The following NRXN1 variants were observed in gnomAD, a reference collection of about 807,000 sequenced individuals.
The protein encoded by NRXN1 is neurexin 1.
A neutral mutation model predicts 150.9 loss-of-function variants in NRXN1; 39 were observed. The observed-to-expected ratio is 0.26, with a 90% CI of 0.20 to 0.34. NRXN1 has a LOEUF of 0.34. Among genes scored for constraint, NRXN1 ranks in the 10% least tolerant of loss-of-function variants. The probability of loss-of-function intolerance (pLI) is 1.00; values close to 1 mark genes in which losing one functional copy is unlikely to be tolerated. For synonymous variants in NRXN1, 924 were observed against 757.0 expected (o/e 1.22, Z -3.62); for missense variants, 1,815 against 1,949.9 (o/e 0.93, Z 1.30).
intron 19 of NRXN1, among the ~76,000 whole-genome samples, chr2:50,074,124 A>G (rs550739856): frequency 6.6e-4 from 100 of 152,218 alleles, no homozygotes; most frequent in Non-Finnish European, 1.3e-3. Flanking sequence ...TTGAGGAAGA[A>G]ATTTTCTTTG....
At chr2:50,792,482 T>C (rs911274515) in intron 5 of NRXN1, among the ~76,000 whole-genome samples, 5 of 152,068 alleles carry the variant, frequency 3.3e-5, no homozygotes, top group African/African-American at 1.2e-4. Flanking sequence ...ATAATACTCT[T>C]ATGGTCTCAT....
intron 5 of NRXN1, among the ~76,000 whole-genome samples, chr2:50,750,538 A>T (rs1437881267): frequency 6.6e-6 from 1 of 152,026 alleles, no homozygotes; most frequent in South Asian, 2.1e-4. Context: ...ACATGTATAC[A>T]TATGTAACAA....
At chr2:50,874,406 T>G (rs552465023) in intron 5 of NRXN1, among the ~76,000 whole-genome samples, 1 of 151,910 alleles carries the variant, frequency 6.6e-6, no homozygotes, top group Non-Finnish European at 1.5e-5. Context: ...TCCATCTCTT[T>G]TTTTTATAGA....
chr2:50,520,664 T>C (rs940670518), intron 12 of NRXN1, among the ~76,000 whole-genome samples: 13 of 151,988 alleles, frequency 8.6e-5, no homozygotes, highest in African/African-American at 3.1e-4. Flanking sequence ...ATTGATTGCA[T>C]AAAGAATTTC....
chr2:50,613,576 G>C (rs1678541587), intron 8 of NRXN1, among the ~76,000 whole-genome samples: 1 of 152,176 alleles, frequency 6.6e-6, no homozygotes, highest in Non-Finnish European at 1.5e-5. Flanking sequence ...GAGTACTTGA[G>C]TGAAGGGACT....
chr2:50,329,029 G>A (rs544133546), intron 17 of NRXN1, among the ~76,000 whole-genome samples: 1 of 151,976 alleles, frequency 6.6e-6, no homozygotes, highest in African/African-American at 2.4e-5. Flanking sequence ...AAGAAGGCTA[G>A]AAAAGAAGTT....
chr2:50,609,385 A>C (rs558632351), intron 8 of NRXN1, among the ~76,000 whole-genome samples: 1 of 152,122 alleles, frequency 6.6e-6, no homozygotes, highest in African/African-American at 2.4e-5. Flanking sequence ...ATGTGACTGC[A>C]TAGGTTATAA....
chr2:50,741,831 A>G (rs779766135), intron 5 of NRXN1, among the ~76,000 whole-genome samples: 6 of 152,050 alleles, frequency 3.9e-5, no homozygotes, highest in Non-Finnish European at 5.9e-5. Flanking sequence ...AAATCGATTG[A>G]CCCCCAGAAA....
intron 17 of NRXN1, among the ~76,000 whole-genome samples, chr2:50,387,188 G>C (rs1182400657): frequency 6.6e-6 from 1 of 152,178 alleles, no homozygotes; most frequent in East Asian, 1.9e-4. Flanking sequence ...ACTTTCAGGA[G>C]GAATGAAAAG....
chr2:50,784,788 G>A (rs1704847338), intron 5 of NRXN1, among the ~76,000 whole-genome samples: 1 of 152,030 alleles, frequency 6.6e-6, no homozygotes, highest in African/African-American at 2.4e-5. Flanking sequence ...AAGATATGAT[G>A]AGGACCTGGA....
chr2:50,685,596 A>C (rs1268929067), intron 5 of NRXN1, among the ~76,000 whole-genome samples: 2 of 152,072 alleles, frequency 1.3e-5, no homozygotes, highest in African/African-American at 2.4e-5. Flanking sequence ...CTCTCTTCTC[A>C]ATATCCTCCA....
intron 17 of NRXN1, among the ~76,000 whole-genome samples, chr2:50,358,402 C>T (rs1337893613): frequency 3.3e-5 from 5 of 152,144 alleles, no homozygotes; most frequent in Admixed American, 1.3e-4. Context: ...TGGGGAGGGA[C>T]GTCCACCATT....
At chr2:50,680,722 T>G (rs1037871097) in intron 5 of NRXN1, among the ~76,000 whole-genome samples, 2 of 151,978 alleles carry the variant, frequency 1.3e-5, no homozygotes, top group African/African-American at 2.4e-5. Flanking sequence ...TAAACGAATT[T>G]CCTTCTTTGG....
chr2:50,279,946 G>A lies in NRXN1; in HGVS notation c.3365-42976C>T, dbSNP rs114424751. Among the ~76,000 whole-genome samples the A allele has an allele frequency of 2.5e-3, 373 of 152,200 alleles. 2 individuals carry two copies. The highest frequency in any genetic ancestry group is 8.6e-3 in the African/African-American group (359 of 41,530). On this transcript the variant is annotated intron_variant, in intron 17 of 22. Transcript: ENST00000401669. ...GAATTTGTCTTGAAATTGTAGTTCA[G>A]GTTTCCCTCCAATTAAGAAAAAGTA...
chr2:50,078,075 A>G (rs1171390544), intron 19 of NRXN1, among the ~76,000 whole-genome samples: 1 of 152,062 alleles, frequency 6.6e-6, no homozygotes, highest in African/African-American at 2.4e-5. Flanking sequence ...GGCCTATTTA[A>G]AGGCTTCATA....
intron 22 of NRXN1, among the ~76,000 whole-genome samples, chr2:49,941,645 A>G (rs1312547468): frequency 6.6e-6 from 1 of 152,194 alleles, no homozygotes; most frequent in Non-Finnish European, 1.5e-5. Context: ...AGAGGGATTC[A>G]GCAAGTCCTG....
Position 50,352,779 on chromosome 2 carries a change from T to TA in NRXN1, c.3364+112662dup, listed in dbSNP as rs1558582630. ...ATAATAATAATAATAATAATAATAT[T>TA]ATAATAATAATAATAATAATAATAA... On this transcript the variant is annotated intron_variant, in intron 17 of 22. Coordinates refer to ENST00000401669, the MANE Select transcript of NRXN1 (RefSeq NM_001330078.2). Among the ~76,000 whole-genome samples the TA allele has an allele frequency of 6.1e-3, 578 of 94,316 alleles. 2 individuals are homozygous for TA. Among genetic ancestry groups the TA allele is most frequent in the East Asian group, 0.02 (55 of 2,724 alleles). 61.9% of individuals were successfully genotyped at this position (94,316 alleles called of 152,430 possible).
intron 16 of NRXN1, chr2:50,466,392 T>C (rs2088851840): frequency 7.0e-6 from 3 of 430,118 alleles, no homozygotes; most frequent in Admixed American, 5.9e-5. Context: ...ATGTAAAATA[T>C]GTTATTTTAG....
chr2:50,024,678 G>A (rs1265639496), intron 21 of NRXN1, among the ~76,000 whole-genome samples: 1 of 151,866 alleles, frequency 6.6e-6, no homozygotes, highest in African/African-American at 2.4e-5. Flanking sequence ...GCAATGGTCC[G>A]ATCTCGGCTC....
Sources: allele counts gnomAD v4.1 joint callset (sites outside exome capture counted in the v4.1 genomes callset), GRCh38; gene constraint gnomAD v4.1.1; transcripts MANE v1.5; gene names NCBI Gene and HGNC (gene_info 2026-07-23, HGNC 2026-07-21).